Variants in CTNNA3 observed in about 807,000 individuals in gnomAD.
CTNNA3 encodes the protein catenin alpha-3.
In CTNNA3, 76 loss-of-function variants were observed where a neutral mutation model predicts 95.7. The ratio of observed to expected loss-of-function variants is 0.79; its 90% confidence interval spans 0.66 to 0.96. The LOEUF is 0.96. Among genes scored for constraint, CTNNA3 ranks in the 40% least tolerant of loss-of-function variants. The pLI is 0.00. For synonymous variants in CTNNA3, 431 were observed against 374.4 expected (o/e 1.15, Z -1.74); for missense variants, 1,191 against 1,089.8 (o/e 1.09, Z -1.31).
intron 9 of CTNNA3, among the ~76,000 whole-genome samples, chr10:66,638,363 A>G (rs866201537): frequency 6.6e-6 from 1 of 152,150 alleles, no homozygotes; most frequent in South Asian, 2.1e-4. Context: ...TATTAATTTC[A>G]AATGAATGTA....
intron 11 of CTNNA3, among the ~76,000 whole-genome samples, chr10:66,393,543 A>C (rs1169420864): frequency 6.6e-6 from 1 of 152,114 alleles, no homozygotes; most frequent in Non-Finnish European, 1.5e-5. Context: ...GTCTACCAAC[A>C]ATGAAGTAGG....
At chr10:65,953,724 T>C (rs963161864) in intron 17 of CTNNA3, among the ~76,000 whole-genome samples, 9 of 152,220 alleles carry the variant, frequency 5.9e-5, no homozygotes, top group African/African-American at 2.2e-4. Context: ...CTCATCCTTT[T>C]TTATGGCTGC....
At chr10:66,889,735 G>C (rs1845189492) in intron 7 of CTNNA3, among the ~76,000 whole-genome samples, 1 of 151,626 alleles carries the variant, frequency 6.6e-6, no homozygotes, top group African/African-American at 2.4e-5. Flanking sequence ...TTGTGTTTTT[G>C]GCTTGAGAAG....
chr10:65,967,082 G>C (rs377054984), intron 16 of CTNNA3, among the ~76,000 whole-genome samples: 1 of 151,706 alleles, frequency 6.6e-6, no homozygotes, highest in Admixed American at 6.6e-5. Flanking sequence ...TCAGCCTCCC[G>C]GGTAGCTGTG....
At chr10:66,120,086 A>G (rs1443125148) in intron 13 of CTNNA3, among the ~76,000 whole-genome samples, 1 of 152,224 alleles carries the variant, frequency 6.6e-6, no homozygotes, top group East Asian at 1.9e-4. Flanking sequence ...AGCACACAGT[A>G]GGTTCTCACT....
intron 10 of CTNNA3, among the ~76,000 whole-genome samples, chr10:66,602,198 C>G (rs1843952504): frequency 6.6e-6 from 1 of 151,834 alleles, no homozygotes; most frequent in African/African-American, 2.4e-5. Flanking sequence ...ACCCTCAAGA[C>G]AAGGTTCTGG....
chr10:65,920,726 TGAG>T (rs1418178449), intron 17 of CTNNA3, 109 bp from the exon 18 acceptor site: 2 of 1,207,634 alleles, frequency 1.7e-6, no homozygotes, highest in East Asian at 4.8e-5. Context: ...CTCAGGAGGC[TGAG>T]GAGGGAGGAT....
At chr10:66,197,587 C>A (rs75812935) in intron 13 of CTNNA3, among the ~76,000 whole-genome samples, 2,220 of 152,170 alleles carry the variant, frequency 0.015, 77 homozygotes, top group East Asian at 0.1. Context: ...AAAATGTTCC[C>A]ATTAATTAGT....
chr10:67,381,959 G>A (rs1843964515), intron 5 of CTNNA3, among the ~76,000 whole-genome samples: 1 of 152,060 alleles, frequency 6.6e-6, no homozygotes, highest in Non-Finnish European at 1.5e-5. Context: ...TACATTGGAA[G>A]TTCTTTGGTG....
intron 12 of CTNNA3, among the ~76,000 whole-genome samples, chr10:66,362,180 G>A (rs1444545049): frequency 7.1e-6 from 1 of 141,040 alleles, no homozygotes; most frequent in African/African-American, 2.7e-5. Flanking sequence ...TCAGCTCACA[G>A]CAACCTCCGC....
At chr10:67,489,500 C>T (rs2133075102) in intron 5 of CTNNA3, among the ~76,000 whole-genome samples, 1 of 152,158 alleles carries the variant, frequency 6.6e-6, no homozygotes. Context: ...TTGACAGTAA[C>T]CAAACATTTA....
intron 9 of CTNNA3, among the ~76,000 whole-genome samples, chr10:66,691,133 G>T (rs1368444482): frequency 6.6e-6 from 1 of 152,180 alleles, no homozygotes; most frequent in Non-Finnish European, 1.5e-5. Context: ...AGTGCACCGT[G>T]CATGAGCTGA....
At chr10:66,329,299 C>A (rs1226485016) in intron 12 of CTNNA3, among the ~76,000 whole-genome samples, 2 of 151,802 alleles carry the variant, frequency 1.3e-5, no homozygotes, top group African/African-American at 4.8e-5. Flanking sequence ...ATTCTGGGAC[C>A]TCAATAGATT....
chr10:66,724,130 G>A (rs929767204), intron 9 of CTNNA3, among the ~76,000 whole-genome samples: 2 of 152,020 alleles, frequency 1.3e-5, no homozygotes, highest in Non-Finnish European at 2.9e-5. Context: ...CTGGATAATG[G>A]TACCAAGCAG....
At chr10:67,735,287 T>C (rs1443139247) in intron 1 of CTNNA3, among the ~76,000 whole-genome samples, 1 of 151,836 alleles carries the variant, frequency 6.6e-6, no homozygotes, top group Admixed American at 6.6e-5. Flanking sequence ...AGGAAGATGA[T>C]GAAATAAGAA....
chr10:67,511,586 A>G (rs1407498614), intron 5 of CTNNA3, among the ~76,000 whole-genome samples: 1 of 152,162 alleles, frequency 6.6e-6, no homozygotes, highest in Non-Finnish European at 1.5e-5. Context: ...GCGCTGCTGG[A>G]TTCGGTTCAC....
At chr10:67,080,745 T>G (rs1236915276) in intron 7 of CTNNA3, among the ~76,000 whole-genome samples, 1 of 151,444 alleles carries the variant, frequency 6.6e-6, no homozygotes, top group Non-Finnish European at 1.5e-5. Flanking sequence ...CCATCTCTAC[T>G]AAAAATACAA....
intron 12 of CTNNA3, among the ~76,000 whole-genome samples, chr10:66,330,218 C>T (rs769415615): frequency 7.9e-5 from 12 of 151,834 alleles, no homozygotes; most frequent in African/African-American, 2.4e-4. Flanking sequence ...TCCCTCCCCC[C>T]CTCTCCCCAC....
At chr10:66,644,488 TAC>T (rs1564590189) in intron 9 of CTNNA3, among the ~76,000 whole-genome samples, 3 of 148,872 alleles carry the variant, frequency 2.0e-5, no homozygotes, top group African/African-American at 4.9e-5. Flanking sequence ...TATATATATA[TAC>T]ACACATACAC....
Sources: gnomAD v4.1 joint callset for allele counts (sites outside exome capture counted in the v4.1 genomes callset) on GRCh38, gnomAD v4.1.1 for gene constraint, MANE v1.5 for transcripts, NCBI Gene and HGNC (gene_info 2026-07-23, HGNC 2026-07-21) for gene names.